CNTNAP5: variants seen among roughly 807,000 people sequenced by gnomAD.
CNTNAP5 encodes the protein contactin associated protein family member 5, also known as contactin-associated protein-like 5.
CNTNAP5 carries 72 observed loss-of-function variants against 150.2 expected under a neutral mutation model. The observed-to-expected ratio is 0.48, with a 90% CI of 0.40 to 0.58. CNTNAP5 has a LOEUF of 0.58. Among genes scored for constraint, CNTNAP5 ranks in the 20% least tolerant of loss-of-function variants. The pLI, the probability that CNTNAP5 is intolerant of heterozygous loss-of-function variation, is 0.00. For synonymous variants in CNTNAP5, 672 were observed against 619.8 expected, an observed-to-expected ratio of 1.08 and a Z score of -1.25; for missense variants, 1,636 against 1,626.2, an observed-to-expected ratio of 1.01 and a Z score of -0.10.
At chr2:124,242,543 A>C in intron 3 of CNTNAP5, 150 bp downstream of exon 3, 3 of 713,726 alleles carry the variant, frequency 4.2e-6, no homozygotes, top group East Asian at 2.7e-5. Flanking sequence ...TTTAAGGCCC[A>C]TGCCCGGCAT....
chr2:124,354,206 T>C (rs1007654722), intron 3 of CNTNAP5, among the ~76,000 whole-genome samples: 2 of 152,184 alleles, frequency 1.3e-5, no homozygotes, highest in Admixed American at 6.5e-5. Flanking sequence ...TCTGCTTTGT[T>C]TGAGGCAGTA....
chr2:124,310,551 C>T lies in CNTNAP5; in HGVS notation c.381+68158C>T, dbSNP rs566225255. Among the ~76,000 whole-genome samples, 8 of 152,132 alleles carry T rather than the reference C, an allele frequency of 5.3e-5. No individual in the cohort carries two copies. The East Asian group carries it at 1.4e-3, about 26-fold the overall frequency. ...CCCAAGCCCTCCCTTAACAAACCCT[C>T]GGAGAGAGCAAGAAAAGAAAACAGG... is the stretch of plus-strand genomic sequence containing the variant. On this transcript the variant is annotated intron_variant, in intron 3 of 23. Transcript: ENST00000682447.
At chr2:124,422,402 T>A (rs1692127568) in intron 4 of CNTNAP5, among the ~76,000 whole-genome samples, 1 of 152,206 alleles carries the variant, frequency 6.6e-6, no homozygotes, top group African/African-American at 2.4e-5. Context: ...CTTGCAACAC[T>A]CTAGGAACAT....
At chr2:124,802,005 T>C (rs1345768005) in intron 19 of CNTNAP5, among the ~76,000 whole-genome samples, 6 of 152,216 alleles carry the variant, frequency 3.9e-5, no homozygotes, top group Admixed American at 3.3e-4. Context: ...TTAGTCTAGC[T>C]GTCTTAACCT....
At chr2:124,107,535 A>AT (rs1369724307) in intron 1 of CNTNAP5, among the ~76,000 whole-genome samples, 1 of 152,154 alleles carries the variant, frequency 6.6e-6, no homozygotes. Flanking sequence ...CTAATCTTGG[A>AT]TTTTTTAAAT....
chr2:124,367,283 A>T, intron 3 of CNTNAP5, among the ~76,000 whole-genome samples: 1 of 152,182 alleles, frequency 6.6e-6, no homozygotes, highest in African/African-American at 2.4e-5. Context: ...CTGGGTAATT[A>T]ATAAAGGAAA....
chr2:124,463,978 T>C (rs1481327231), intron 6 of CNTNAP5, among the ~76,000 whole-genome samples: 1 of 152,074 alleles, frequency 6.6e-6, no homozygotes, highest in Non-Finnish European at 1.5e-5. Flanking sequence ...AGTACCCAAC[T>C]CAAAGGTTAG....
intron 16 of CNTNAP5, among the ~76,000 whole-genome samples, 195 bp downstream of exon 16, chr2:124,764,342 A>G (rs1269665109): frequency 6.6e-6 from 1 of 152,062 alleles, no homozygotes; most frequent in Non-Finnish European, 1.5e-5. Flanking sequence ...TTAATCAGTC[A>G]TTCTCTTATC....
chr2:124,118,567 T>G (rs1683483662), intron 1 of CNTNAP5, among the ~76,000 whole-genome samples: 1 of 152,102 alleles, frequency 6.6e-6, no homozygotes, highest in Non-Finnish European at 1.5e-5. Flanking sequence ...TGAGAGAACA[T>G]GAAGAGTGTT....
intron 1 of CNTNAP5, among the ~76,000 whole-genome samples, chr2:124,183,351 T>A (rs1290409204): frequency 6.6e-6 from 1 of 152,228 alleles, no homozygotes; most frequent in African/African-American, 2.4e-5. Flanking sequence ...ATGGTAATCT[T>A]AAAAACCTTT....
At chr2:124,597,367 G>T (rs1339257057) in intron 11 of CNTNAP5, among the ~76,000 whole-genome samples, 3 of 150,208 alleles carry the variant, frequency 2.0e-5, no homozygotes, top group Non-Finnish European at 4.4e-5. Context: ...GCATTTGCTT[G>T]TCTGTGAAGT....
chr2:124,902,550 T>G (rs940081287), intron 21 of CNTNAP5, among the ~76,000 whole-genome samples: 8 of 152,164 alleles, frequency 5.3e-5, no homozygotes, highest in Non-Finnish European at 8.8e-5. Context: ...GATACAAATT[T>G]TATAAAGCAC....
chr2:124,177,224 T>C (rs1329491773), intron 1 of CNTNAP5, among the ~76,000 whole-genome samples: 1 of 152,038 alleles, frequency 6.6e-6, no homozygotes, highest in African/African-American at 2.4e-5. Context: ...GGTTTTATGG[T>C]TGGCTTTGGG....
intron 1 of CNTNAP5, among the ~76,000 whole-genome samples, chr2:124,184,450 G>A (rs1183677744): frequency 6.6e-6 from 1 of 152,036 alleles, no homozygotes; most frequent in Non-Finnish European, 1.5e-5. Flanking sequence ...TCAACATGTC[G>A]CAAATCTTGC....
chr2:124,773,570 G>A (rs1036130432), intron 17 of CNTNAP5, among the ~76,000 whole-genome samples: 1 of 152,164 alleles, frequency 6.6e-6, no homozygotes, highest in Non-Finnish European at 1.5e-5. Flanking sequence ...GCCACAGGCT[G>A]TTCATCTGAA....
chr2:124,227,162 G>T (rs1010665282), intron 2 of CNTNAP5, among the ~76,000 whole-genome samples: 1 of 151,984 alleles, frequency 6.6e-6, no homozygotes, highest in Non-Finnish European at 1.5e-5. Context: ...GAGTGTGCTG[G>T]GCATTTCTCC....
At chr2:124,413,418 A>G (rs1311908618) in intron 3 of CNTNAP5, among the ~76,000 whole-genome samples, 1 of 141,972 alleles carries the variant, frequency 7.0e-6, no homozygotes, top group Non-Finnish European at 1.6e-5. Flanking sequence ...GCTGCTATAA[A>G]GACACATGCA....
chr2:124,725,169 GTGA>G (rs1415840368), intron 13 of CNTNAP5, among the ~76,000 whole-genome samples: 3 of 151,914 alleles, frequency 2.0e-5, no homozygotes, highest in Admixed American at 6.6e-5. Flanking sequence ...TAAGAAATGT[GTGA>G]TGATGATTTT....
chr2:124,259,716 C>A (rs1050069343), intron 3 of CNTNAP5, among the ~76,000 whole-genome samples: 3 of 151,978 alleles, frequency 2.0e-5, no homozygotes, highest in Non-Finnish European at 4.4e-5. Context: ...TTTGTTTACA[C>A]CGATAACAGA....
Sources: allele counts gnomAD v4.1 joint callset (sites outside exome capture counted in the v4.1 genomes callset), GRCh38; gene constraint gnomAD v4.1.1; transcripts MANE v1.5; gene names NCBI Gene and HGNC (gene_info 2026-07-23, HGNC 2026-07-21).